Variants in GPHN observed in about 807,000 individuals in gnomAD.
GPHN encodes the protein gephyrin.
A neutral mutation model predicts 95.5 loss-of-function variants in GPHN; 17 were observed. The observed-to-expected ratio is 0.18, with a 90% CI of 0.12 to 0.27. The LOEUF (loss-of-function observed/expected upper bound fraction) is 0.27. Ranked by LOEUF, GPHN falls within the 10% of genes least tolerant of loss-of-function variation. The pLI is 1.00. For synonymous variants in GPHN, 320 were observed against 322.5 expected (o/e 0.99, Z 0.08); for missense variants, 660 against 978.1 (o/e 0.67, Z 4.34).
the GPHN span, among the ~76,000 whole-genome samples, chr14:67,567,514 T>A: frequency 6.6e-6 from 1 of 151,618 alleles, no homozygotes; most frequent in African/African-American, 2.4e-5. Flanking sequence ...TATGCCGAAT[T>A]TTACTTGGGC....
chr14:67,225,926 A>AGAGTGTGTGTGT, the GPHN span, among the ~76,000 whole-genome samples: 2 of 136,630 alleles, frequency 1.5e-5, no homozygotes, highest in Non-Finnish European at 3.1e-5. Context: ...TAATGCTGTG[A>AGAGTGTGTGTGT]GTGTGTGTGT....
chr14:67,127,191 C>A (rs2079378269), intron 17 of GPHN, among the ~76,000 whole-genome samples: 1 of 150,684 alleles, frequency 6.6e-6, no homozygotes. Flanking sequence ...CAGCATGGCA[C>A]ATGTATACAT....
chr14:66,808,113 G>A (rs1019090874), intron 3 of GPHN, among the ~76,000 whole-genome samples: 3 of 152,134 alleles, frequency 2.0e-5, no homozygotes, highest in Admixed American at 1.3e-4. Flanking sequence ...ATGTTTTTAA[G>A]TTTTTTCATT....
At chr14:67,706,529 C>T in the GPHN span, among the ~76,000 whole-genome samples, 3 of 152,004 alleles carry the variant, frequency 2.0e-5, no homozygotes, top group Non-Finnish European at 2.9e-5. Context: ...AGGGACAGCT[C>T]GAAGCATGGA....
chr14:67,074,109 ATC>A (rs1567294992), intron 11 of GPHN, among the ~76,000 whole-genome samples: 6 of 152,166 alleles, frequency 3.9e-5, no homozygotes, highest in African/African-American at 1.4e-4. Flanking sequence ...TTATTTTAGT[ATC>A]TCATAAATAG....
chr14:66,669,375 A>G (rs924379547), intron 1 of GPHN, among the ~76,000 whole-genome samples: 9 of 152,164 alleles, frequency 5.9e-5, no homozygotes, highest in African/African-American at 2.2e-4. Context: ...AAAAAAAAAA[A>G]AAAAAAGATA....
At chr14:66,673,195 C>T (rs7143213) in intron 1 of GPHN, among the ~76,000 whole-genome samples, 38,355 of 152,086 alleles carry the variant, frequency 0.25, 9,735 homozygotes, top group African/African-American at 0.62. Context: ...TGGGTTCAAG[C>T]GATTCTCCTG....
chr14:66,766,717 A>C (rs2058973547), intron 2 of GPHN, among the ~76,000 whole-genome samples: 1 of 152,086 alleles, frequency 6.6e-6, no homozygotes, highest in Non-Finnish European at 1.5e-5. Context: ...TCAAAGCAAA[A>C]ATTTAGGAAG....
At chr14:66,526,423 G>A (rs1322250389) in intron 1 of GPHN, among the ~76,000 whole-genome samples, 2 of 152,176 alleles carry the variant, frequency 1.3e-5, no homozygotes, top group Non-Finnish European at 2.9e-5. Flanking sequence ...CATGTTATCT[G>A]CAAACAGAGA....
At chr14:67,734,216 T>C in the GPHN span, 15 of 285,460 alleles carry the variant, frequency 5.3e-5, no homozygotes, top group Non-Finnish European at 9.0e-5. Flanking sequence ...GCACCATCAC[T>C]GCCTATTTCT....
the GPHN span, among the ~76,000 whole-genome samples, chr14:67,305,461 T>C: frequency 6.6e-6 from 1 of 152,116 alleles, no homozygotes; most frequent in African/African-American, 2.4e-5. Flanking sequence ...TTTGTACTTT[T>C]GGTAGAGATG....
chr14:66,983,257 A>C (rs557332563), intron 9 of GPHN, among the ~76,000 whole-genome samples: 1 of 152,222 alleles, frequency 6.6e-6, no homozygotes, highest in Non-Finnish European at 1.5e-5. Context: ...ATCTCAAAAA[A>C]ATAATAATAA....
the GPHN span, among the ~76,000 whole-genome samples, chr14:67,426,960 C>G: frequency 3.5e-4 from 53 of 152,264 alleles, 1 homozygote; most frequent in South Asian, 8.9e-3. Flanking sequence ...CCTAGTCCTC[C>G]CCAGGCCTCC....
At chr14:66,857,614 G>T (rs1039191386) in intron 4 of GPHN, among the ~76,000 whole-genome samples, 1 of 152,072 alleles carries the variant, frequency 6.6e-6, no homozygotes, top group Non-Finnish European at 1.5e-5. Context: ...CAAATAAAAG[G>T]CTCCACCAGT....
chr14:67,392,835 C>G, the GPHN span: 14 of 1,611,432 alleles, frequency 8.7e-6, no homozygotes, highest in Non-Finnish European at 1.2e-5. Context: ...ATGAGCCAGT[C>G]CACCAGGGAG....
chr14:67,635,307 C>T, the GPHN span, among the ~76,000 whole-genome samples: 1 of 152,152 alleles, frequency 6.6e-6, no homozygotes. Flanking sequence ...AAATAAAATT[C>T]AGATCTCTGC....
the GPHN span, chr14:67,360,883 C>T: frequency 2.6e-5 from 4 of 152,284 alleles, no homozygotes; most frequent in African/African-American, 7.2e-5. Context: ...CAAAAATTTC[C>T]CCTGCGTCTC....
At chr14:67,648,218 C>G in the GPHN span, 2 of 1,596,328 alleles carry the variant, frequency 1.3e-6, no homozygotes, top group Non-Finnish European at 1.7e-6. Flanking sequence ...CTGTTAACTA[C>G]ATAGGTAAAT....
the GPHN span, among the ~76,000 whole-genome samples, chr14:67,310,803 C>G: frequency 6.6e-6 from 1 of 152,010 alleles, no homozygotes; most frequent in Non-Finnish European, 1.5e-5. Flanking sequence ...AATGACAAGC[C>G]AAAAATTTTT....
Sources: gnomAD v4.1 joint callset for allele counts (sites outside exome capture counted in the v4.1 genomes callset) on GRCh38, gnomAD v4.1.1 for gene constraint, MANE v1.5 for transcripts, NCBI Gene and HGNC (gene_info 2026-07-23, HGNC 2026-07-21) for gene names.